Variants in PHIP observed in about 807,000 individuals in gnomAD.
PHIP encodes PH-interacting protein.
Under a neutral mutation model 236.8 loss-of-function variants are expected in PHIP, and 54 were observed. The observed-to-expected ratio is 0.23, with a 90% CI of 0.18 to 0.29. The LOEUF is 0.29. Ranked by LOEUF, PHIP falls within the 10% of genes least tolerant of loss-of-function variation. PHIP has a pLI of 1.00. For synonymous variants in PHIP, 756 were observed against 718.9 expected (o/e 1.05, Z -0.83); for missense variants, 1,370 against 2,190.8 (o/e 0.63, Z 7.48).
chr6:78,937,539 C>G lies in PHIP; in HGVS notation c.*3154G>C, dbSNP rs1016033435. 6.6e-6 allele frequency: 1 copy of G among 151,634 alleles called. No individual in the cohort carries two copies. The highest frequency in any genetic ancestry group is 2.4e-5 in the African/African-American group (1 of 41,406). 9.4% of individuals were successfully genotyped at this position (151,634 alleles called of 1,614,324 possible). On this transcript the variant is annotated 3_prime_UTR_variant, in exon 40 of 40. Coordinates refer to ENST00000275034, the MANE Select transcript of PHIP (RefSeq NM_017934.7). ...AGTGATAACTAAATTTAGTCAATCC[C>G]AAGTCTCAGATGTTACCTAATCCAG...
Position 78,935,568 on chromosome 6 carries a change from C to T in PHIP, c.*5125G>A, listed in dbSNP as rs933116975. 23 of 966,186 alleles carry T rather than the reference C, an allele frequency of 2.4e-5. No individual in the cohort carries two copies. The highest frequency in any genetic ancestry group is 1.4e-4 in the African/African-American group (8 of 56,714). The allele number at this position is 966,186 out of a possible 1,614,324, so 59.9% of individuals were successfully genotyped here. ...ATTTATCACTCATCACAGTAACTTA[C>T]GGTAAGAAATCAATAAAATTGTTTT... On this transcript the variant is annotated 3_prime_UTR_variant, in exon 40 of 40. Transcript: ENST00000275034.
At chr6:79,065,709 T>C (rs2127776003) in intron 4 of PHIP, among the ~76,000 whole-genome samples, 1 of 151,536 alleles carries the variant, frequency 6.6e-6, no homozygotes, top group African/African-American at 2.4e-5. Flanking sequence ...GTTTTTCTAC[T>C]TCACCATTAA....
intron 24 of PHIP, among the ~76,000 whole-genome samples, chr6:78,975,528 A>G (rs1427742490): frequency 1.3e-5 from 2 of 152,188 alleles, no homozygotes; most frequent in African/African-American, 2.4e-5. Flanking sequence ...GGCCAGGGCA[A>G]TTAGGCAGGA....
At chr6:79,045,524 T>G (rs1486080544) in intron 6 of PHIP, among the ~76,000 whole-genome samples, 1 of 152,068 alleles carries the variant, frequency 6.6e-6, no homozygotes, top group Non-Finnish European at 1.5e-5. Flanking sequence ...GCCTTTTAAA[T>G]TAAAAAAGTA....
At chr6:79,011,709 A>C (rs566109771) in intron 15 of PHIP, among the ~76,000 whole-genome samples, 2 of 151,898 alleles carry the variant, frequency 1.3e-5, no homozygotes, top group East Asian at 3.9e-4. Flanking sequence ...TTCTCTGGAG[A>C]ATACTACTTG....
intron 19 of PHIP, among the ~76,000 whole-genome samples, chr6:78,996,280 G>A (rs1769610699): frequency 6.6e-6 from 1 of 152,186 alleles, no homozygotes. Context: ...GAGAAAAACT[G>A]TGGCCCACTG....
chr6:79,030,754 G>C (rs1771628176), intron 7 of PHIP, among the ~76,000 whole-genome samples: 1 of 152,178 alleles, frequency 6.6e-6, no homozygotes, highest in Non-Finnish European at 1.5e-5. Context: ...ATTACGAAGA[G>C]AGACCACTTA....
chr6:79,053,462 A>G (rs1772907003), intron 6 of PHIP, among the ~76,000 whole-genome samples: 1 of 152,242 alleles, frequency 6.6e-6, no homozygotes, highest in South Asian at 2.1e-4. Context: ...CATGTGCCAT[A>G]AAAGTTAATT....
At chr6:79,012,252 C>T (rs1196446922) in intron 15 of PHIP, among the ~76,000 whole-genome samples, 1 of 151,524 alleles carries the variant, frequency 6.6e-6, no homozygotes, top group Non-Finnish European at 1.5e-5. Flanking sequence ...TTAAAGTATT[C>T]TTAAAATATA....
At position 79,015,618 on chromosome 6, in the gene PHIP, A is replaced by AT. The variant is rs766047649; in HGVS notation, c.1389+11dup. On this transcript the variant is annotated intron_variant, in intron 14 of 39. Transcript: ENST00000275034. ...TCAGTTATATCAAATAAAGATTAGA[A>AT]TTTTTTCTCACCATCAGGACATGAA... is the stretch of plus-strand genomic sequence containing the variant. 1.3e-6 allele frequency: 2 copies of AT among 1,574,740 alleles called. No individual in the cohort carries two copies. Among genetic ancestry groups the AT allele is most frequent in the East Asian group, 2.3e-5 (1 of 44,388 alleles).
chr6:78,991,147 C>G (rs141756875), intron 19 of PHIP, among the ~76,000 whole-genome samples, 162 bp from the exon 20 acceptor site: 217 of 152,190 alleles, frequency 1.4e-3, no homozygotes, highest in African/African-American at 5.1e-3. Context: ...GTTGTGGGCT[C>G]AGGACATCCG....
intron 15 of PHIP, among the ~76,000 whole-genome samples, chr6:79,011,574 G>A (rs907806139): frequency 2.0e-5 from 3 of 151,516 alleles, no homozygotes; most frequent in Non-Finnish European, 4.4e-5. Context: ...ATCATCTCAC[G>A]TGTCATATAC....
chr6:79,040,175 T>C (rs1216340922), intron 7 of PHIP, among the ~76,000 whole-genome samples: 1 of 152,092 alleles, frequency 6.6e-6, no homozygotes, highest in Non-Finnish European at 1.5e-5. Flanking sequence ...AAATCCTATG[T>C]GGTTGGTACT....
chr6:78,953,878 G>A (rs1203389889), intron 35 of PHIP, among the ~76,000 whole-genome samples: 2 of 152,010 alleles, frequency 1.3e-5, no homozygotes, highest in African/African-American at 2.4e-5. Context: ...AAGACACCAC[G>A]CCCGACCCCT....
At chr6:79,064,427 TA>T (rs1320440896) in intron 4 of PHIP, among the ~76,000 whole-genome samples, 1 of 152,238 alleles carries the variant, frequency 6.6e-6, no homozygotes, top group African/African-American at 2.4e-5. Flanking sequence ...ATAGTCCATC[TA>T]ATTTCGTATC....
intron 6 of PHIP, among the ~76,000 whole-genome samples, chr6:79,051,297 T>G (rs1371439702): frequency 1.3e-5 from 2 of 152,118 alleles, no homozygotes; most frequent in Non-Finnish European, 2.9e-5. Flanking sequence ...GTAACTATAA[T>G]GAATGATAGT....
chr6:78,943,844 G>A (rs560549258), intron 39 of PHIP, among the ~76,000 whole-genome samples: 1 of 152,028 alleles, frequency 6.6e-6, no homozygotes, highest in South Asian at 2.1e-4. Context: ...AAATCAGCCA[G>A]GTGTGATGGC....
chr6:78,958,652 T>C lies in PHIP; in HGVS notation c.3657-52A>G, dbSNP rs568842884. On this transcript the variant is annotated intron_variant, in intron 31 of 39. Transcript: ENST00000275034. The stretch of plus-strand genomic sequence containing the variant: ...TAACTTCCTTATATTTAGAAATATG[T>C]GTACATCATTTAAAACCAAGACATT... 2.5e-5 allele frequency: 27 copies of C among 1,080,706 alleles called. No homozygotes were observed. In the South Asian group the frequency reaches 3.3e-4, roughly 13 times the overall value. 66.9% of individuals were successfully genotyped at this position (1,080,706 alleles called of 1,614,324 possible). A position where few individuals can be genotyped will look rare whatever the true frequency, so the allele number is the denominator to read the frequency against.
intron 6 of PHIP, among the ~76,000 whole-genome samples, chr6:79,052,675 T>C (rs1000382121): frequency 6.6e-6 from 1 of 152,144 alleles, no homozygotes; most frequent in Non-Finnish European, 1.5e-5. Context: ...TAGAAAAAAT[T>C]TAATCAGCTT....
Sources: gnomAD v4.1 joint callset for allele counts (sites outside exome capture counted in the v4.1 genomes callset) on GRCh38, gnomAD v4.1.1 for gene constraint, MANE v1.5 for transcripts, NCBI Gene and HGNC (gene_info 2026-07-23, HGNC 2026-07-21) for gene names.